ACSBG2: variants seen among roughly 807,000 people sequenced by gnomAD.
ACSBG2 encodes long-chain-fatty-acid--CoA ligase ACSBG2.
Under a neutral mutation model 74.7 loss-of-function variants are expected in ACSBG2, and 62 were observed. The ratio of observed to expected loss-of-function variants is 0.83; its 90% CI spans 0.68 to 1.03. ACSBG2 has a LOEUF of 1.03. ACSBG2 is among the 50% of genes least tolerant of loss of function. The probability of loss-of-function intolerance (pLI) is 0.00; values close to 1 mark genes in which losing one functional copy is unlikely to be tolerated. For synonymous variants in ACSBG2, 309 were observed against 294.1 expected, an observed-to-expected ratio of 1.05 and a Z score of -0.52; for missense variants, 730 against 817.6, an observed-to-expected ratio of 0.89 and a Z score of 1.31.
At chr19:6,172,300 A>C (rs749611694) in intron 7 of ACSBG2, among the ~76,000 whole-genome samples, 2 of 152,100 alleles carry the variant, frequency 1.3e-5, no homozygotes, top group Non-Finnish European at 2.9e-5. Flanking sequence ...ATTCCTTCTT[A>C]TCTGAGGGAG....
At chr19:6,166,280 T>TTGTGTGTG (rs35422900) in intron 7 of ACSBG2, among the ~76,000 whole-genome samples, 3,461 of 119,062 alleles carry the variant, frequency 0.029, 98 homozygotes, top group South Asian at 0.039. Context: ...GTCAGGAAGG[T>TTGTGTGTG]TGTGTGTGTG....
At chr19:6,190,841 ACACACACACACT>A in intron 14 of ACSBG2, 149 bp downstream of exon 14, 3 of 561,800 alleles carry the variant, frequency 5.3e-6, no homozygotes, top group Non-Finnish European at 6.4e-6. Context: ...ACACACACAC[ACACACACACACT>A]CTTAGTTGCA....
In ACSBG2 at chr19:6,147,600, T is replaced by C. The variant is rs771978866; in HGVS notation, c.222T>C (p.Asn74=). ...CTTATCCAGCCCTCGCATCCAAGAATGGCAAAAAGTGGGAAATTCTGAATT... is the reference window on the plus strand; with the variant it reads ...CTTATCCAGCCCTCGCATCCAAGAACGGCAAAAAGTGGGAAATTCTGAATT... ...FGTYPALASK[N]GKKWEILNFN... is the part of the protein sequence containing the mutation. Residue 74 remains asparagine, a synonymous_variant, in exon 3 of 15, where the codon AAT becomes AAC. Coordinates refer to ENST00000588485, the MANE Select transcript of ACSBG2 (RefSeq NM_030924.5). The C allele has an allele frequency of 6.2e-7, 1 of 1,614,080 alleles. No homozygotes were observed.
chr19:6,168,816 T>C (rs1463080456), intron 7 of ACSBG2, among the ~76,000 whole-genome samples: 1 of 152,204 alleles, frequency 6.6e-6, no homozygotes, highest in Non-Finnish European at 1.5e-5. Context: ...TCTTGCTCTG[T>C]CATCCAGGCT....
chr19:6,168,021 C>T (rs939617243), intron 7 of ACSBG2, among the ~76,000 whole-genome samples: 1 of 147,910 alleles, frequency 6.8e-6, no homozygotes, highest in Admixed American at 6.7e-5. Context: ...CAGAGAGTGC[C>T]TGTGAGCACC....
At chr19:6,171,683 T>C (rs2089971131) in intron 7 of ACSBG2, among the ~76,000 whole-genome samples, 1 of 152,172 alleles carries the variant, frequency 6.6e-6, no homozygotes, top group Non-Finnish European at 1.5e-5. Context: ...CTGATGACTA[T>C]ATGCCTCGGG....
chr19:6,174,340 C>T lies in ACSBG2; in HGVS notation c.739-2889C>T, dbSNP rs1243879946. On this transcript the variant is annotated intron_variant, in intron 7 of 14. Coordinates refer to ENST00000588485, the MANE Select transcript of ACSBG2 (RefSeq NM_030924.5). The surrounding 1 kb of genome is among the most constrained non-coding windows in gnomAD (Gnocchi z 4.2). ...TCCACAGCATCCCTTCTGCTCCTTT[C>T]TGTCAGTCAAAACAAATCACTGGAC... Among the ~76,000 whole-genome samples the T allele has an allele frequency of 1.3e-5, 2 of 152,188 alleles. No homozygotes were observed. Among genetic ancestry groups the T allele is most frequent in the African/African-American group, 4.8e-5 (2 of 41,440 alleles).
chr19:6,190,516 G>C, intron 13 of ACSBG2, 68 bp from the exon 14 acceptor site: 1 of 1,357,238 alleles, frequency 7.4e-7, no homozygotes, highest in African/African-American at 1.4e-5. Flanking sequence ...TCTGTTGCCT[G>C]GTCATGCATG....
intron 6 of ACSBG2, 77 bp from the exon 7 acceptor site, chr19:6,165,789 C>A: frequency 6.5e-7 from 1 of 1,549,852 alleles, no homozygotes. Context: ...TTAGGAAAAG[C>A]TGATAGGACG....
chr19:6,144,483 G>A (rs368513677), intron 2 of ACSBG2, among the ~76,000 whole-genome samples: 5 of 152,202 alleles, frequency 3.3e-5, no homozygotes, highest in African/African-American at 1.2e-4. Context: ...GGCAACCGCA[G>A]CTAGGAGAAA....
At chr19:6,161,346 G>T (rs1453694606) in intron 6 of ACSBG2, 51 bp downstream of exon 6, 1 of 1,566,090 alleles carries the variant, frequency 6.4e-7, no homozygotes, top group Admixed American at 1.7e-5. Flanking sequence ...GGCCTTGCAA[G>T]AAAAGTGGGC....
At chr19:6,188,643 A>G (rs1310632717) in intron 13 of ACSBG2, among the ~76,000 whole-genome samples, 2 of 152,172 alleles carry the variant, frequency 1.3e-5, no homozygotes, top group Admixed American at 6.5e-5. Flanking sequence ...CAAAAAACAA[A>G]CAAACAAAAA....
chr19:6,176,495 A>ACAC, intron 7 of ACSBG2: 1 of 948,746 alleles, frequency 1.1e-6, no homozygotes, highest in Non-Finnish European at 1.5e-6. Flanking sequence ...ATGAAAAAAC[A>ACAC]ACACACACAC....
intron 6 of ACSBG2, among the ~76,000 whole-genome samples, chr19:6,161,915 A>G (rs2089636295): frequency 6.6e-6 from 1 of 152,206 alleles, no homozygotes; most frequent in South Asian, 2.1e-4. Flanking sequence ...TCCCAAGAAC[A>G]TTAAGATAAT....
intron 7 of ACSBG2, among the ~76,000 whole-genome samples, chr19:6,169,044 G>T (rs2089894073): frequency 6.6e-6 from 1 of 152,198 alleles, no homozygotes; most frequent in South Asian, 2.1e-4. Context: ...CTCCCAAAGT[G>T]TTGGAATTAC....
rs575487900 is a variant in ACSBG2 at position 6,174,447 on chromosome 19, T to G, written c.739-2782T>G. Among the ~76,000 whole-genome samples the G allele has an allele frequency of 1.3e-5, 2 of 152,208 alleles. No homozygotes were observed. The highest frequency in any genetic ancestry group is 4.1e-4 in the South Asian group (2 of 4,826). On this transcript the variant is annotated intron_variant, in intron 7 of 14. Transcript: ENST00000588485. This position sits in a 1 kb window ranked among gnomAD's most constrained non-coding sequence, Gnocchi z 4.2. ...AGAGAATCTGCAGCTCTGTTTAATC[T>G]ACCACATATACATAAAATGCTTAGA...
At chr19:6,176,486 T>C (rs191882939) in intron 7 of ACSBG2, 12 of 1,131,160 alleles carry the variant, frequency 1.1e-5, no homozygotes, top group East Asian at 3.0e-5. Flanking sequence ...TACTGACTTA[T>C]GAAAAAACAA....
intron 8 of ACSBG2, among the ~76,000 whole-genome samples, chr19:6,178,043 AT>A (rs2090137670): frequency 6.6e-6 from 1 of 152,090 alleles, no homozygotes; most frequent in Non-Finnish European, 1.5e-5. Flanking sequence ...GATTATGCAT[AT>A]ATTTGTAGAA....
chr19:6,161,340 T>G, intron 6 of ACSBG2, 45 bp downstream of exon 6: 1 of 1,582,728 alleles, frequency 6.3e-7, no homozygotes, highest in Non-Finnish European at 8.7e-7. Context: ...GGGCGGGGCC[T>G]TGCAAGAAAA....
Sources: allele counts gnomAD v4.1 joint callset (sites outside exome capture counted in the v4.1 genomes callset), GRCh38; gene constraint gnomAD v4.1.1; non-coding constraint Gnocchi (gnomAD v3.1); transcripts MANE v1.5; gene names NCBI Gene and HGNC (gene_info 2026-07-23, HGNC 2026-07-21).